Variants in MALRD1 observed in about 807,000 individuals in gnomAD.
MALRD1 encodes the protein MAM and LDL receptor class A domain containing 1, also known as MAM and LDL-receptor class A domain-containing protein 1.
A neutral mutation model predicts 242.1 loss-of-function variants in MALRD1; 247 were observed. The observed-to-expected ratio is 1.02, with a 90% CI of 0.92 to 1.13. The LOEUF (loss-of-function observed/expected upper bound fraction) is 1.13, where lower values mean the gene tolerates loss of function less well. Ranked by LOEUF, MALRD1 falls within the 50% of genes most tolerant of loss-of-function variation. The pLI, the probability that MALRD1 is intolerant of heterozygous loss-of-function variation, is 0.00. For missense variants in MALRD1, 2,989 were observed against 2,533.1 expected (o/e 1.18, Z -3.86); for synonymous variants, 995 against 866.6 (o/e 1.15, Z -2.60).
intron 33 of MALRD1, among the ~76,000 whole-genome samples, chr10:19,586,631 C>T (rs938746806): frequency 2.0e-5 from 3 of 152,208 alleles, no homozygotes; most frequent in Non-Finnish European, 4.4e-5. Flanking sequence ...CTCTTCAAAG[C>T]TGTCAGACAG....
chr10:19,204,432 T>C lies in MALRD1; in HGVS notation c.2210+19T>C. ...CCTTCTGGTAAATATTAAACAAATA[T>C]TTAAACAATATTAAACAGTTCACCC... On this transcript the variant is annotated intron_variant, in intron 16 of 39. Coordinates refer to ENST00000454679, the MANE Select transcript of MALRD1 (RefSeq NM_001142308.3). 2 of 1,489,566 alleles carry C rather than the reference T, an allele frequency of 1.3e-6. No individual in the cohort carries two copies. Among genetic ancestry groups the C allele is most frequent in the Non-Finnish European group, 1.8e-6 (2 of 1,096,970 alleles). The allele number at this position is 1,489,566 out of a possible 1,614,324, so 92.3% of individuals were successfully genotyped here.
chr10:19,213,820 G>T (rs370478408), intron 18 of MALRD1, among the ~76,000 whole-genome samples: 2 of 152,152 alleles, frequency 1.3e-5, no homozygotes, highest in Non-Finnish European at 2.9e-5. Context: ...TTTAAGTTTA[G>T]TTGGAAAGAG....
intron 12 of MALRD1, among the ~76,000 whole-genome samples, chr10:19,155,628 C>A (rs1834114978): frequency 6.6e-6 from 1 of 152,278 alleles, no homozygotes; most frequent in South Asian, 2.1e-4. Flanking sequence ...ATTTCAGCAG[C>A]ATATTAGAGA....
Position 19,615,820 on chromosome 10 carries a change from T to C in MALRD1, c.6071-37T>C, listed in dbSNP as rs1839128019. ...TCTTCTTCTTCCTCCTAATACTATT[T>C]ATAATTAACTGGTGTCTTTGTGATG... On this transcript the variant is annotated intron_variant, in intron 35 of 39. Transcript: ENST00000454679. 4 of 1,401,072 alleles carry C rather than the reference T, an allele frequency of 2.9e-6. No homozygotes were observed. In the African/African-American group the frequency reaches 4.3e-5, roughly 15 times the overall value. 86.8% of individuals were successfully genotyped at this position (1,401,072 alleles called of 1,614,324 possible).
At chr10:19,724,161 T>C (rs1204168174) in intron 38 of MALRD1, among the ~76,000 whole-genome samples, 1 of 152,110 alleles carries the variant, frequency 6.6e-6, no homozygotes, top group African/African-American at 2.4e-5. Flanking sequence ...GTTACTCCCA[T>C]GAGATGGTAA....
At chr10:19,107,852 A>G (rs1230279872) in intron 5 of MALRD1, among the ~76,000 whole-genome samples, 2 of 151,940 alleles carry the variant, frequency 1.3e-5, no homozygotes, top group African/African-American at 4.8e-5. Flanking sequence ...AATCTTATAG[A>G]AGACTATTTT....
intron 18 of MALRD1, among the ~76,000 whole-genome samples, chr10:19,250,758 G>A (rs778642815): frequency 6.6e-6 from 1 of 151,838 alleles, no homozygotes; most frequent in African/African-American, 2.4e-5. Flanking sequence ...GTGATGATAT[G>A]TGTAAGACAT....
chr10:19,456,750 CATTTATTTATTTATTT>C (rs148086758), intron 29 of MALRD1, among the ~76,000 whole-genome samples: 4,377 of 141,608 alleles, frequency 0.031, 219 homozygotes, highest in African/African-American at 0.1. Flanking sequence ...TTAAAAGTGA[CATTTATTTATTTATTT>C]ATTTATTTAT....
intron 22 of MALRD1, among the ~76,000 whole-genome samples, chr10:19,325,640 C>T (rs1031584204): frequency 1.1e-4 from 17 of 152,012 alleles, no homozygotes; most frequent in African/African-American, 2.7e-4. Context: ...TGTTTCTTTC[C>T]GGGAAGCCCT....
chr10:19,250,542 A>G (rs1271303939), intron 18 of MALRD1, among the ~76,000 whole-genome samples: 2 of 151,984 alleles, frequency 1.3e-5, no homozygotes, highest in Non-Finnish European at 2.9e-5. Context: ...ATTCTTTTTA[A>G]AATTTACTTA....
chr10:19,296,346 T>C (rs2131940690), intron 21 of MALRD1, among the ~76,000 whole-genome samples: 1 of 152,198 alleles, frequency 6.6e-6, no homozygotes, highest in East Asian at 1.9e-4. Context: ...ATATTATTTT[T>C]TTGGCTGACA....
chr10:19,478,408 C>T (rs986909156), intron 29 of MALRD1, among the ~76,000 whole-genome samples: 4 of 152,112 alleles, frequency 2.6e-5, no homozygotes, highest in African/African-American at 7.2e-5. Context: ...GAGCTAGGAG[C>T]AATCTGTGCA....
At chr10:19,219,686 A>G (rs1442655692) in intron 18 of MALRD1, among the ~76,000 whole-genome samples, 2 of 152,238 alleles carry the variant, frequency 1.3e-5, no homozygotes, top group East Asian at 1.9e-4. Flanking sequence ...GGCCTCCCAG[A>G]GTGTTGGGAT....
intron 38 of MALRD1, among the ~76,000 whole-genome samples, chr10:19,716,614 C>G (rs1834401297): frequency 6.6e-6 from 1 of 152,172 alleles, no homozygotes; most frequent in South Asian, 2.1e-4. Flanking sequence ...TGGAAAAATA[C>G]AGAAGGTGTA....
At position 19,128,304 on chromosome 10, in the gene MALRD1, C is replaced by T. The variant is rs1189768836; in HGVS notation, c.1027C>T (p.His343Tyr). The change falls in exon 8 of 40, where the codon CAT (histidine) becomes TAT (tyrosine). Residue 343 changes from histidine to tyrosine, a missense_variant. Transcript: ENST00000454679. ...SRAYLNSSVC[H>Y]CLGKSCHLQF... ...GGCTTACCTAAATAGCTCTGTGTGT[C>T]ATTGCCTGGGCAAGAGCTGTCATCT... The T allele has an allele frequency of 8.1e-7, 1 of 1,233,478 alleles. No homozygotes were observed. The allele number at this position is 1,233,478 out of a possible 1,614,324, so 76.4% of individuals were successfully genotyped here. A position where few individuals can be genotyped will look rare whatever the true frequency, so the allele number is the denominator to read the frequency against.
At chr10:19,383,628 A>G (rs2130793478) in intron 26 of MALRD1, among the ~76,000 whole-genome samples, 1 of 152,200 alleles carries the variant, frequency 6.6e-6, no homozygotes, top group South Asian at 2.1e-4. Context: ...TGCTTAGTCT[A>G]TTACATGTTA....
chr10:19,587,355 T>G (rs1249339654), intron 33 of MALRD1, among the ~76,000 whole-genome samples: 1 of 152,228 alleles, frequency 6.6e-6, no homozygotes, highest in South Asian at 2.1e-4. Flanking sequence ...TTTTACTGTC[T>G]ATATCACTGC....
chr10:19,187,752 C>G (rs1228530022), intron 14 of MALRD1, among the ~76,000 whole-genome samples: 1 of 151,990 alleles, frequency 6.6e-6, no homozygotes, highest in Non-Finnish European at 1.5e-5. Context: ...TAAGTGGGAA[C>G]TAAAACATTG....
intron 29 of MALRD1, among the ~76,000 whole-genome samples, chr10:19,478,057 A>T (rs1836824182): frequency 6.6e-6 from 1 of 152,190 alleles, no homozygotes; most frequent in Admixed American, 6.5e-5. Flanking sequence ...GTTGGAAAAG[A>T]AATGATTCGG....
Sources: allele counts gnomAD v4.1 joint callset (sites outside exome capture counted in the v4.1 genomes callset), GRCh38; gene constraint gnomAD v4.1.1; transcripts MANE v1.5; gene names NCBI Gene and HGNC (gene_info 2026-07-23, HGNC 2026-07-21).